STK3: variants seen among roughly 807,000 people sequenced by gnomAD.
STK3 encodes serine/threonine-protein kinase 3.
A neutral mutation model predicts 58.0 loss-of-function variants in STK3; 41 were observed. That is an observed-to-expected ratio of 0.71 (90% CI 0.55 to 0.92). STK3 has a LOEUF of 0.92. STK3 is among the 40% of genes least tolerant of loss of function. STK3 has a pLI of 0.00. For synonymous variants in STK3, 170 were observed against 191.0 expected (o/e 0.89, Z 0.91); for missense variants, 479 against 602.7 (o/e 0.79, Z 2.15).
In STK3 at chr8:98,630,806, G is replaced by GGAA. The variant is rs564343980; in HGVS notation, c.685-34640_685-34638dup. Among the ~76,000 whole-genome samples, 73 of 146,676 alleles carry GGAA rather than the reference G, an allele frequency of 5.0e-4. 1 individual carries two copies. Among genetic ancestry groups the GGAA allele is most frequent in the Non-Finnish European group, 3.6e-4 (24 of 67,354 alleles). ...AAGAGGAAGAGGAAGAAGAGGAAGA[G>GGAA]GAAGAAGAAGAAGAAGAAAGAAAGA... is the stretch of plus-strand genomic sequence containing the variant. On this transcript the variant is annotated intron_variant, in intron 6 of 10. Transcript: ENST00000419617.
chr8:98,755,060 C>G lies in STK3; in HGVS notation c.237-5670G>C, dbSNP rs139269519. Among the ~76,000 whole-genome samples, 1,307 of 152,198 alleles carry G rather than the reference C, an allele frequency of 8.6e-3. 10 individuals carry two copies. The highest frequency in any genetic ancestry group is 0.03 in the African/African-American group (1,231 of 41,512). ...AAGTCAAGAGAAAACTTTGGCAAAA[C>G]GTAAAATTCTCTTCAAAAAAATAAT... On this transcript the variant is annotated intron_variant, in intron 3 of 10. Coordinates refer to ENST00000419617, the MANE Select transcript of STK3 (RefSeq NM_006281.4).
the STK3 span, among the ~76,000 whole-genome samples, chr8:98,355,600 G>A: frequency 2.0e-5 from 3 of 152,136 alleles, no homozygotes; most frequent in African/African-American, 7.2e-5. Flanking sequence ...ACCCCAAGAG[G>A]GCATCTGCTA....
Position 98,486,883 on chromosome 8 carries a change from C to T in STK3, c.1318-30883G>A, listed in dbSNP as rs535230290. Among the ~76,000 whole-genome samples, 16 of 152,182 alleles carry T rather than the reference C, an allele frequency of 1.1e-4. 1 individual carries two copies. Among genetic ancestry groups the T allele is most frequent in the Middle Eastern group, 6.8e-3 (2 of 294 alleles). The stretch of plus-strand genomic sequence containing the variant: ...GAGGTGGCTACTGTCAGTGTCAATG[C>T]CCTGTCTGAACAAGTTTTAATTTAA... On this transcript the variant is annotated intron_variant, in intron 10 of 10. Coordinates refer to ENST00000419617, the MANE Select transcript of STK3 (RefSeq NM_006281.4).
intron 10 of STK3, among the ~76,000 whole-genome samples, chr8:98,475,752 A>G (rs1316855373): frequency 6.6e-6 from 1 of 152,224 alleles, no homozygotes. Flanking sequence ...CCTATGAGCT[A>G]AAACTTTGAG....
chr8:98,770,751 C>T (rs944333205), intron 2 of STK3, among the ~76,000 whole-genome samples: 4 of 152,204 alleles, frequency 2.6e-5, no homozygotes, highest in Non-Finnish European at 4.4e-5. Flanking sequence ...AATATGCCAA[C>T]AGTGAAACTG....
chr8:98,455,903 G>T lies in STK3; in HGVS notation c.1415C>A (p.Ala472Glu). Residue 472 changes from alanine to glutamate, a missense_variant, in exon 11 of 11, where the codon GCG (alanine) becomes GAG (glutamate). Around this residue, in one of 3 missense-constraint regions of STK3, gnomAD observed 309 missense variants for 355.7 expected, o/e 0.87. Coordinates refer to ENST00000419617, the MANE Select transcript of STK3 (RefSeq NM_006281.4). ...EIEELRQRYT[A>E]KRQPILDAMD... ...CGCATCCAGAATGGGCTGTCTTTTCGCAGTGTATCTCTGACGAAGTTCTTC... is the reference window on the plus strand; with the variant it reads ...CGCATCCAGAATGGGCTGTCTTTTCTCAGTGTATCTCTGACGAAGTTCTTC... 6.2e-7 allele frequency: 1 copy of T among 1,613,414 alleles called. No homozygotes were observed. The highest frequency in any genetic ancestry group is 8.5e-7 in the Non-Finnish European group (1 of 1,179,750).
chr8:98,832,635 C>A (rs1835580131), intron 3 of STK3, among the ~76,000 whole-genome samples: 1 of 152,120 alleles, frequency 6.6e-6, no homozygotes, highest in Admixed American at 6.5e-5. Flanking sequence ...GTATGTCTGA[C>A]CGCCTATCCT....
chr8:98,600,641 T>C (rs1358578197), intron 6 of STK3, among the ~76,000 whole-genome samples: 3 of 152,172 alleles, frequency 2.0e-5, no homozygotes, highest in African/African-American at 4.8e-5. Context: ...CTCTGTTATA[T>C]ACATTCAGTC....
intron 10 of STK3, among the ~76,000 whole-genome samples, chr8:98,506,725 AG>A (rs1405715898): frequency 1.3e-5 from 2 of 152,070 alleles, no homozygotes; most frequent in African/African-American, 4.8e-5. Context: ...GAAAAAAAAA[AG>A]AAAGAAAATG....
the STK3 span, among the ~76,000 whole-genome samples, chr8:98,353,961 T>TA: frequency 1.3e-5 from 2 of 151,898 alleles, no homozygotes; most frequent in African/African-American, 2.4e-5. Flanking sequence ...TATATTTTTT[T>TA]AAAAAAAAGA....
intron 1 of STK3, among the ~76,000 whole-genome samples, chr8:98,898,173 C>T (rs550932980): frequency 6.6e-6 from 1 of 152,236 alleles, no homozygotes; most frequent in African/African-American, 2.4e-5. Context: ...ATTCTGAGTT[C>T]CTGGACTTCC....
intron 3 of STK3, among the ~76,000 whole-genome samples, chr8:98,870,017 C>T (rs1837310590): frequency 6.6e-6 from 1 of 152,044 alleles, no homozygotes; most frequent in South Asian, 2.1e-4. Flanking sequence ...ATGACAGGCC[C>T]TAGTGTGTGA....
At chr8:98,488,733 C>G (rs955176613) in intron 10 of STK3, among the ~76,000 whole-genome samples, 8 of 152,144 alleles carry the variant, frequency 5.3e-5, no homozygotes, top group Admixed American at 2.0e-4. Context: ...AACAGCAAAA[C>G]TAAGATGAAA....
chr8:98,559,150 T>C (rs1811819356), intron 8 of STK3, among the ~76,000 whole-genome samples: 1 of 152,182 alleles, frequency 6.6e-6, no homozygotes, highest in Admixed American at 6.6e-5. Flanking sequence ...TCTGTGTTGA[T>C]GATTTTGTGG....
intron 3 of STK3, among the ~76,000 whole-genome samples, chr8:98,861,051 C>T (rs1331765952): frequency 6.6e-6 from 1 of 151,890 alleles, no homozygotes; most frequent in Admixed American, 6.6e-5. Flanking sequence ...CAGAGCAAGA[C>T]TCTATCCCAA....
At chr8:98,649,261 T>C (rs1820676055) in intron 6 of STK3, among the ~76,000 whole-genome samples, 1 of 152,156 alleles carries the variant, frequency 6.6e-6, no homozygotes, top group South Asian at 2.1e-4. Context: ...ATCTGTAATT[T>C]GAAGTATAAA....
intron 6 of STK3, among the ~76,000 whole-genome samples, chr8:98,686,254 T>C (rs140502904): frequency 3.0e-4 from 46 of 152,146 alleles, no homozygotes; most frequent in African/African-American, 1.1e-3. Context: ...AGTAAAAGAA[T>C]ACAGAAGGCA....
intron 1 of STK3, among the ~76,000 whole-genome samples, chr8:98,940,141 G>A (rs1330056912): frequency 2.6e-5 from 4 of 151,994 alleles, no homozygotes; most frequent in African/African-American, 9.7e-5. Context: ...CCCCCTCGGC[G>A]TGCGGCGCGG....
chr8:98,821,363 T>C (rs1834885084), intron 1 of STK3, among the ~76,000 whole-genome samples: 1 of 152,092 alleles, frequency 6.6e-6, no homozygotes, highest in African/African-American at 2.4e-5. Flanking sequence ...GCAAAAATTG[T>C]TTCCCACGAG....
Sources: allele counts gnomAD v4.1 joint callset (sites outside exome capture counted in the v4.1 genomes callset), GRCh38; gene constraint gnomAD v4.1.1; regional missense constraint gnomAD v4.1.1; transcripts MANE v1.5; gene names NCBI Gene and HGNC (gene_info 2026-07-23, HGNC 2026-07-21).